Variants in DMGDH observed in about 807,000 individuals in gnomAD.
The protein encoded by DMGDH is dimethylglycine dehydrogenase, also known as dimethylglycine dehydrogenase, mitochondrial.
Under a neutral mutation model 95.2 loss-of-function variants are expected in DMGDH, and 76 were observed. The ratio of observed to expected loss-of-function variants is 0.80; its 90% confidence interval spans 0.66 to 0.97. The LOEUF (loss-of-function observed/expected upper bound fraction) is 0.97, where lower values mean the gene tolerates loss of function less well. Ranked by LOEUF, DMGDH falls within the 50% of genes least tolerant of loss-of-function variation. The pLI, the probability that DMGDH is intolerant of heterozygous loss-of-function variation, is 0.00. For synonymous variants in DMGDH, 345 were observed against 377.6 expected (o/e 0.91, Z 1.00); for missense variants, 987 against 1,055.0 (o/e 0.94, Z 0.89).
chr5:79,041,674 T>G (rs1202940283), intron 7 of DMGDH, among the ~76,000 whole-genome samples: 1 of 152,102 alleles, frequency 6.6e-6, no homozygotes, highest in Non-Finnish European at 1.5e-5. Flanking sequence ...AAACAGTTAA[T>G]AGAAATGGCA....
At chr5:79,016,254 A>C (rs1753732733) in intron 14 of DMGDH, among the ~76,000 whole-genome samples, 1 of 152,016 alleles carries the variant, frequency 6.6e-6, no homozygotes, top group Non-Finnish European at 1.5e-5. Context: ...AAGGAATATA[A>C]GGCAAGAAAA....
At chr5:79,065,947 A>C in intron 1 of DMGDH, among the ~76,000 whole-genome samples, 1 of 152,298 alleles carries the variant, frequency 6.6e-6, no homozygotes, top group South Asian at 2.1e-4. Flanking sequence ...GTATATTATA[A>C]TATGTATATT....
intron 14 of DMGDH, 143 bp from the exon 15 acceptor site, chr5:79,005,550 C>T: frequency 8.4e-7 from 1 of 1,187,928 alleles, no homozygotes; most frequent in Non-Finnish European, 1.2e-6. Flanking sequence ...TATGTCTAGA[C>T]AAATATTTCT....
At chr5:79,038,256 G>T (rs1272376070) in intron 7 of DMGDH, among the ~76,000 whole-genome samples, 1 of 152,084 alleles carries the variant, frequency 6.6e-6, no homozygotes, top group Non-Finnish European at 1.5e-5. Flanking sequence ...GGTCGAGGTG[G>T]GTGGATCACT....
At chr5:79,045,835 A>C (rs1748660788) in intron 5 of DMGDH, among the ~76,000 whole-genome samples, 2 of 152,224 alleles carry the variant, frequency 1.3e-5, no homozygotes, top group Non-Finnish European at 2.9e-5. Flanking sequence ...ATGAGGTTCC[A>C]AGCTAGACAG....
chr5:78,998,450 A>G (rs1227266175), intron 15 of DMGDH, among the ~76,000 whole-genome samples, 153 bp from the exon 16 acceptor site: 6 of 152,252 alleles, frequency 3.9e-5, no homozygotes, highest in African/African-American at 1.4e-4. Flanking sequence ...ACACAGGAGG[A>G]AAACTTCACA....
At chr5:79,003,359 T>C (rs1753486165) in intron 15 of DMGDH, among the ~76,000 whole-genome samples, 2 of 152,136 alleles carry the variant, frequency 1.3e-5, no homozygotes, top group African/African-American at 4.8e-5. Context: ...GCAGAGCTGG[T>C]TATAAGTATA....
intron 2 of DMGDH, among the ~76,000 whole-genome samples, chr5:79,060,611 T>C (rs2112672329): frequency 6.6e-6 from 1 of 152,214 alleles, no homozygotes; most frequent in South Asian, 2.1e-4. Flanking sequence ...ACTCCACAAA[T>C]ATCTCGGTGT....
chr5:79,027,395 C>T (rs1373253419), intron 12 of DMGDH, among the ~76,000 whole-genome samples: 2 of 152,138 alleles, frequency 1.3e-5, no homozygotes, highest in African/African-American at 4.8e-5. Context: ...ATAGCAGCAG[C>T]CCAGAGAAAG....
At chr5:79,051,136 G>A in intron 5 of DMGDH, 151 bp downstream of exon 5, 1 of 857,620 alleles carries the variant, frequency 1.2e-6, no homozygotes, top group South Asian at 1.5e-5. Context: ...GTGATAGAGG[G>A]AGGGCTTTGT....
intron 7 of DMGDH, among the ~76,000 whole-genome samples, chr5:79,035,514 C>T (rs1345333084): frequency 6.6e-6 from 1 of 152,146 alleles, no homozygotes; most frequent in African/African-American, 2.4e-5. Flanking sequence ...AACGCATGCT[C>T]CTTGTTATCG....
intron 8 of DMGDH, 118 bp downstream of exon 8, chr5:79,033,120 CT>C: frequency 1.6e-6 from 2 of 1,285,984 alleles, no homozygotes; most frequent in Non-Finnish European, 2.2e-6. Flanking sequence ...GGGCACAATG[CT>C]TTTTGGAGTC....
chr5:78,998,326 C>T, intron 15 of DMGDH, 29 bp from the exon 16 acceptor site: 1 of 1,592,982 alleles, frequency 6.3e-7, no homozygotes. Flanking sequence ...CAGTCCTCAG[C>T]ATCTTGGTCA....
chr5:79,052,576 C>T (rs1289350672), intron 4 of DMGDH, among the ~76,000 whole-genome samples: 1 of 152,160 alleles, frequency 6.6e-6, no homozygotes, highest in African/African-American at 2.4e-5. Flanking sequence ...TGGATAGGAC[C>T]TCGTTGTAGT....
chr5:79,038,434 A>G (rs978721254), intron 7 of DMGDH, among the ~76,000 whole-genome samples: 1 of 152,180 alleles, frequency 6.6e-6, no homozygotes, highest in African/African-American at 2.4e-5. Context: ...CAGTCAGACA[A>G]GATCGTGCCA....
In DMGDH at chr5:78,997,927, C is replaced by T; in HGVS notation, c.*155G>A. ...CTATTATTCTGTCTTGCTTAGAAAA[C>T]ACTTAACAGAAAGGTTTCATTAAGA... is the stretch of plus-strand genomic sequence containing the variant. On this transcript the variant is annotated 3_prime_UTR_variant, in exon 16 of 16. Transcript: ENST00000255189. 1.4e-6 allele frequency: 1 copy of T among 739,036 alleles called. No individual in the cohort carries two copies. Among genetic ancestry groups the T allele is most frequent in the South Asian group, 1.8e-5 (1 of 54,392 alleles). The allele number at this position is 739,036 out of a possible 1,614,324, so 45.8% of individuals were successfully genotyped here.
intron 13 of DMGDH, among the ~76,000 whole-genome samples, chr5:79,025,527 C>T (rs73130183): frequency 6.6e-6 from 1 of 152,300 alleles, no homozygotes; most frequent in African/African-American, 2.4e-5. Context: ...GTGCTTGGCA[C>T]TTCCTAGACT....
At chr5:79,064,311 C>T (rs1367005896) in intron 1 of DMGDH, among the ~76,000 whole-genome samples, 1 of 151,970 alleles carries the variant, frequency 6.6e-6, no homozygotes, top group African/African-American at 2.4e-5. Context: ...CATGAGTGCG[C>T]CACTCCACTC....
At chr5:79,036,894 T>C (rs926491712) in intron 7 of DMGDH, among the ~76,000 whole-genome samples, 4 of 152,044 alleles carry the variant, frequency 2.6e-5, no homozygotes, top group African/African-American at 9.7e-5. Context: ...TCACGGTATT[T>C]AGAGATGGTA....
Sources: gnomAD v4.1 joint callset for allele counts (sites outside exome capture counted in the v4.1 genomes callset) on GRCh38, gnomAD v4.1.1 for gene constraint, MANE v1.5 for transcripts, NCBI Gene and HGNC (gene_info 2026-07-23, HGNC 2026-07-21) for gene names.